The following ZNF782 variants were observed in gnomAD, a reference collection of about 807,000 sequenced individuals.
The protein encoded by ZNF782 is zinc finger protein 782.
In ZNF782, 12 loss-of-function variants were observed where a neutral mutation model predicts 13.0. The ratio of observed to expected loss-of-function variants is 0.92; its 90% CI spans 0.59 to 1.50. ZNF782 has a LOEUF of 1.50. ZNF782 is among the 40% of genes most tolerant of loss of function. The pLI is 0.00. For synonymous variants in ZNF782, 284 were observed against 283.0 expected (o/e 1.00, Z -0.04); for missense variants, 770 against 822.9 (o/e 0.94, Z 0.79).
At chr9:96,830,015 G>A (rs1244122972) in intron 4 of ZNF782, among the ~76,000 whole-genome samples, 1 of 152,042 alleles carries the variant, frequency 6.6e-6, no homozygotes, top group Non-Finnish European at 1.5e-5. Flanking sequence ...CTTCTCTTTG[G>A]CCTCATATAT....
At chr9:96,823,549 C>A (rs1850498049) in intron 5 of ZNF782, among the ~76,000 whole-genome samples, 1 of 151,942 alleles carries the variant, frequency 6.6e-6, no homozygotes, top group Non-Finnish European at 1.5e-5. Flanking sequence ...TGTTTTTTGA[C>A]CTGAATTTAA....
intron 5 of ZNF782, among the ~76,000 whole-genome samples, chr9:96,821,673 T>C (rs1444702002): frequency 6.6e-6 from 1 of 151,642 alleles, no homozygotes; most frequent in Non-Finnish European, 1.5e-5. Flanking sequence ...AGTTCACTTT[T>C]TTTTTTTTTT....
chr9:96,844,247 T>A (rs7037100), intron 4 of ZNF782, among the ~76,000 whole-genome samples: 1 of 152,132 alleles, frequency 6.6e-6, no homozygotes, highest in East Asian at 1.9e-4. Context: ...TAGGTACTTA[T>A]ACAAGAGAAA....
At chr9:96,877,639 C>T (rs1229127958), upstream of ZNF782, among the ~76,000 whole-genome samples, 1 of 152,216 alleles carries the variant, frequency 6.6e-6, no homozygotes, top group Non-Finnish European at 1.5e-5. Context: ...GGGGTTCGGG[C>T]GGGGTCCGTT....
At chr9:96,867,335 C>G (rs538242205) in intron 1 of ZNF782, among the ~76,000 whole-genome samples, 2 of 152,290 alleles carry the variant, frequency 1.3e-5, no homozygotes, top group Non-Finnish European at 2.9e-5. Flanking sequence ...ACAAGCTTTT[C>G]TCTGCCTGCT....
chr9:96,873,755 C>T (rs562911413), intron 1 of ZNF782, among the ~76,000 whole-genome samples: 9 of 152,300 alleles, frequency 5.9e-5, no homozygotes, highest in African/African-American at 1.9e-4. Context: ...TTGCTCTCCC[C>T]TTTGGCTTGA....
Position 96,818,411 on chromosome 9 carries a change from G to C in ZNF782, c.1612C>G (p.Gln538Glu), listed in dbSNP as rs755752428. 1 of 1,612,778 alleles carries C rather than the reference G, an allele frequency of 6.2e-7. No homozygotes were observed. Among genetic ancestry groups the C allele is most frequent in the African/African-American group, 1.3e-5 (1 of 74,470 alleles). Reference sequence around the variant, plus strand: ...TTCTGACCGAAAGCTTTTCCACACTGATTACATTTGTAGGGCTTCTCCCCT... The same window carrying C: ...TTCTGACCGAAAGCTTTTCCACACTCATTACATTTGTAGGGCTTCTCCCCT... ...HTGEKPYKCN[Q>E]CGKAFGQKSQ... Residue 538 changes from glutamine (Q) to glutamate (E), a missense_variant, in exon 6 of 6, where the codon CAG becomes GAG. Transcript: ENST00000481138.
rs1249793042 is a variant in ZNF782 at position 96,816,630 on chromosome 9, A to G, written c.*1293T>C. The G allele has an allele frequency of 6.6e-6, 1 of 152,128 alleles. No homozygotes were observed. Among genetic ancestry groups the G allele is most frequent in the Non-Finnish European group, 1.5e-5 (1 of 68,018 alleles). The allele number at this position is 152,128 out of a possible 1,614,324, so 9.4% of individuals were successfully genotyped here. A position where few individuals can be genotyped will look rare whatever the true frequency, so the allele number is the denominator to read the frequency against. ...TTACTTACCTTTCTCAAATTGATAG[A>G]TTTTCTCCTTGTAACAAGCTCTGAT... On this transcript the variant is annotated 3_prime_UTR_variant, in exon 6 of 6. Coordinates refer to ENST00000481138, the MANE Select transcript of ZNF782 (RefSeq NM_001001662.3).
chr9:96,844,947 C>G lies in ZNF782; in HGVS notation c.85G>C (p.Glu29Gln), dbSNP rs1285178684. The G allele has an allele frequency of 6.2e-7, 1 of 1,614,004 alleles. No homozygotes were observed. The highest frequency in any genetic ancestry group is 2.2e-5 in the East Asian group (1 of 44,858). Residue 29 changes from glutamate to glutamine, a missense_variant, in exon 4 of 6, where the codon GAG becomes CAG. Physicochemically the swap from Glu to Gln is conservative, Grantham distance 29. Coordinates refer to ENST00000481138, the MANE Select transcript of ZNF782 (RefSeq NM_001001662.3). ...QEEWQHMGPV[E>Q]RTLYRDVMLE... Reference sequence around the variant, plus strand: ...ATCACATCTCTGTACAGGGTCCTCTCAACAGGGCCCATGTGCTGCCACTCC... The same window carrying G: ...ATCACATCTCTGTACAGGGTCCTCTGAACAGGGCCCATGTGCTGCCACTCC...
At chr9:96,930,931 G>T in the ZNF782 span, among the ~76,000 whole-genome samples, 1 of 107,380 alleles carries the variant, frequency 9.3e-6, no homozygotes, top group African/African-American at 3.6e-5. Flanking sequence ...GTCTCGCTCT[G>T]TCACCCGGGC....
the ZNF782 span, among the ~76,000 whole-genome samples, chr9:96,903,543 T>A: frequency 8.3e-5 from 12 of 144,312 alleles, no homozygotes; most frequent in South Asian, 6.5e-4. Flanking sequence ...TTCTTTTTTT[T>A]AATTTTATGT....
chr9:96,876,808 C>CTTG (rs1454852324), upstream of ZNF782, among the ~76,000 whole-genome samples: 22 of 151,900 alleles, frequency 1.4e-4, no homozygotes, highest in Non-Finnish European at 2.9e-4. Context: ...AAGTTCGCGA[C>CTTG]CAGCCTGTGC....
At chr9:96,829,036 A>C (rs1342130371) in intron 4 of ZNF782, among the ~76,000 whole-genome samples, 1 of 151,918 alleles carries the variant, frequency 6.6e-6, no homozygotes, top group Non-Finnish European at 1.5e-5. Context: ...TACTTAAAGA[A>C]AAAAAATCAA....
chr9:96,882,891 T>C, the ZNF782 span, among the ~76,000 whole-genome samples: 3 of 152,210 alleles, frequency 2.0e-5, no homozygotes, highest in African/African-American at 4.8e-5. Context: ...GTGGTTTAAA[T>C]GTGTCAGTGA....
upstream of ZNF782, among the ~76,000 whole-genome samples, chr9:96,856,863 A>G (rs1400109724): frequency 1.3e-5 from 2 of 152,184 alleles, no homozygotes; most frequent in Non-Finnish European, 2.9e-5. Context: ...GATCATGAAG[A>G]TGTGAAAAAT....
At chr9:96,925,744 CGTCT>C in the ZNF782 span, among the ~76,000 whole-genome samples, 1 of 148,982 alleles carries the variant, frequency 6.7e-6, no homozygotes, top group African/African-American at 2.6e-5. Context: ...GGATTCCTAC[CGTCT>C]GTCTCCACAT....
upstream of ZNF782, among the ~76,000 whole-genome samples, chr9:96,857,329 G>C (rs1442531149): frequency 6.6e-6 from 1 of 152,122 alleles, no homozygotes; most frequent in Non-Finnish European, 1.5e-5. Context: ...ACATTTCTAT[G>C]GGCACAGTAG....
chr9:96,865,975 A>G (rs1851749530), intron 1 of ZNF782, among the ~76,000 whole-genome samples: 1 of 152,210 alleles, frequency 6.6e-6, no homozygotes, highest in Non-Finnish European at 1.5e-5. Flanking sequence ...AGCATTCAAG[A>G]TGTGTCTTGG....
At chr9:96,905,619 C>T in the ZNF782 span, among the ~76,000 whole-genome samples, 1 of 151,548 alleles carries the variant, frequency 6.6e-6, no homozygotes, top group African/African-American at 2.4e-5. Flanking sequence ...GCTCTGTCAC[C>T]TAGGCTGGAG....
Sources: gnomAD v4.1 joint callset for allele counts (sites outside exome capture counted in the v4.1 genomes callset) on GRCh38, gnomAD v4.1.1 for gene constraint, MANE v1.5 for transcripts, NCBI Gene and HGNC (gene_info 2026-07-23, HGNC 2026-07-21) for gene names.